MINPP1: variants seen among roughly 807,000 people sequenced by gnomAD.
MINPP1 encodes multiple inositol-polyphosphate phosphatase 1.
In MINPP1, 28 loss-of-function variants were observed where a neutral mutation model predicts 46.1. The observed-to-expected ratio is 0.61, with a 90% confidence interval of 0.45 to 0.83. The LOEUF (loss-of-function observed/expected upper bound fraction) is 0.83, where lower values mean the gene tolerates loss of function less well. MINPP1 is among the 40% of genes least tolerant of loss of function. The pLI, the probability that MINPP1 is intolerant of heterozygous loss-of-function variation, is 0.00. For synonymous variants in MINPP1, 268 were observed against 249.1 expected, an observed-to-expected ratio of 1.08 and a Z score of -0.72; for missense variants, 603 against 610.0, an observed-to-expected ratio of 0.99 and a Z score of 0.12.
rs1226244468 is a variant in MINPP1 at position 87,553,188 on chromosome 10, T to C, written c.*710T>C. The stretch of plus-strand genomic sequence containing the variant: ...TTTGGACAATTAGCAACAAGTCAGA[T>C]AGTTAGAATCGAAGTTTTTCAAATC... On this transcript the variant is annotated 3_prime_UTR_variant, in exon 5 of 5. Transcript: ENST00000371996. The C allele has an allele frequency of 6.6e-6, 1 of 152,164 alleles. No individual in the cohort carries two copies. Among genetic ancestry groups the C allele is most frequent in the Non-Finnish European group, 1.5e-5 (1 of 68,016 alleles). The allele number at this position is 152,164 out of a possible 1,614,324, so 9.4% of individuals were successfully genotyped here. A position where few individuals can be genotyped will look rare whatever the true frequency, so the allele number is the denominator to read the frequency against.
chr10:87,536,895 T>C (rs1279010381), intron 4 of MINPP1, among the ~76,000 whole-genome samples: 1 of 152,210 alleles, frequency 6.6e-6, no homozygotes, highest in Non-Finnish European at 1.5e-5. Context: ...CTTGGGAACC[T>C]ACCTAATTAG....
intron 2 of MINPP1, chr10:87,509,657 T>C (rs946056287): frequency 7.7e-6 from 2 of 260,432 alleles, no homozygotes; most frequent in Non-Finnish European, 1.6e-5. Flanking sequence ...TTGTCATGAA[T>C]TGAGCATTTA....
At chr10:87,521,513 A>G (rs1350666800) in intron 4 of MINPP1, among the ~76,000 whole-genome samples, 5 of 152,102 alleles carry the variant, frequency 3.3e-5, no homozygotes, top group Admixed American at 6.5e-5. Flanking sequence ...AACAGTTTAT[A>G]TTATGAATGT....
intron 4 of MINPP1, among the ~76,000 whole-genome samples, chr10:87,551,071 C>A (rs1290583049): frequency 6.6e-6 from 1 of 152,040 alleles, no homozygotes; most frequent in Non-Finnish European, 1.5e-5. Flanking sequence ...CTGATAATAT[C>A]TAGTGCTTGA....
chr10:87,514,989 TA>T (rs1245947154), intron 3 of MINPP1, among the ~76,000 whole-genome samples: 3 of 151,982 alleles, frequency 2.0e-5, no homozygotes, highest in Admixed American at 2.0e-4. Context: ...GTGCTGGTAT[TA>T]CAGGCATCAG....
intron 3 of MINPP1, among the ~76,000 whole-genome samples, chr10:87,519,877 G>A (rs1851474007): frequency 6.6e-6 from 1 of 152,134 alleles, no homozygotes; most frequent in African/African-American, 2.4e-5. Flanking sequence ...TTCTACATGA[G>A]CAAATGATCA....
intron 4 of MINPP1, among the ~76,000 whole-genome samples, chr10:87,540,492 CTG>C (rs1851799317): frequency 1.3e-5 from 1 of 77,302 alleles, no homozygotes. Flanking sequence ...GTCTCTCTCT[CTG>C]TCACACACAC....
rs1335570058 is a variant in MINPP1 at position 87,505,577 on chromosome 10, C to T, written c.637+25C>T. On this transcript the variant is annotated intron_variant, in intron 1 of 4. Transcript: ENST00000371996. The surrounding 1 kb of genome is among the most constrained non-coding windows in gnomAD (Gnocchi z 4.4). ...GGTGACCCCCCGGGCGGCCCGTGTG[C>T]TGTCCCGGTCCTCCCACCCGCCCTG... is the stretch of plus-strand genomic sequence containing the variant. 5 of 1,584,618 alleles carry T rather than the reference C, an allele frequency of 3.2e-6. No individual in the cohort carries two copies. Among genetic ancestry groups the T allele is most frequent in the Non-Finnish European group, 4.3e-6 (5 of 1,172,436 alleles).
intron 3 of MINPP1, among the ~76,000 whole-genome samples, chr10:87,517,569 T>C (rs937496906): frequency 3.9e-5 from 6 of 152,234 alleles, no homozygotes; most frequent in African/African-American, 1.4e-4. Context: ...AGGTTGCATA[T>C]AGCTACAATT....
chr10:87,552,634 C>T lies in MINPP1; in HGVS notation c.*156C>T, dbSNP rs1342102034. The T allele has an allele frequency of 3.2e-5, 24 of 740,498 alleles. No individual in the cohort carries two copies. The East Asian group carries it at 5.1e-4, about 16-fold the overall frequency. The allele number at this position is 740,498 out of a possible 1,614,324, so 45.9% of individuals were successfully genotyped here. ...CATTGGGTTTCTCTCTGGGTTTGGACATGAAATGTAAGAAAAGATTTTTCA... is the reference window on the plus strand; with the variant it reads ...CATTGGGTTTCTCTCTGGGTTTGGATATGAAATGTAAGAAAAGATTTTTCA... On this transcript the variant is annotated 3_prime_UTR_variant, in exon 5 of 5. Coordinates refer to ENST00000371996, the MANE Select transcript of MINPP1 (RefSeq NM_004897.5).
intron 4 of MINPP1, among the ~76,000 whole-genome samples, chr10:87,532,027 G>A (rs1332731675): frequency 1.3e-5 from 2 of 152,112 alleles, no homozygotes; most frequent in Non-Finnish European, 1.5e-5. Flanking sequence ...CATGGTATTG[G>A]TATTATATGT....
chr10:87,542,810 T>C (rs769958850), intron 4 of MINPP1, among the ~76,000 whole-genome samples: 9 of 152,148 alleles, frequency 5.9e-5, no homozygotes, highest in Admixed American at 3.9e-4. Context: ...CTTTATAGCA[T>C]TGCAGAAACG....
At chr10:87,540,443 C>T (rs779168617) in intron 4 of MINPP1, among the ~76,000 whole-genome samples, 1 of 151,790 alleles carries the variant, frequency 6.6e-6, no homozygotes, top group African/African-American at 2.4e-5. Context: ...TCTCTTTCTC[C>T]TCTCTGTCAG....
intron 3 of MINPP1, among the ~76,000 whole-genome samples, chr10:87,517,484 A>G (rs564382810): frequency 6.6e-6 from 1 of 152,302 alleles, no homozygotes; most frequent in South Asian, 2.1e-4. Flanking sequence ...GTCGAAAGTC[A>G]TCAGCCTGTA....
At chr10:87,536,475 C>CATAT (rs147825687) in intron 4 of MINPP1, among the ~76,000 whole-genome samples, 1 of 151,906 alleles carries the variant, frequency 6.6e-6, no homozygotes, top group African/African-American at 2.4e-5. Context: ...TCAGTTTTTA[C>CATAT]ATATATATAT....
chr10:87,538,829 G>C (rs953787260), intron 4 of MINPP1, among the ~76,000 whole-genome samples: 1 of 152,200 alleles, frequency 6.6e-6, no homozygotes, highest in Non-Finnish European at 1.5e-5. Flanking sequence ...AACATCAATT[G>C]AGTGTGAAAC....
chr10:87,527,828 G>A (rs192283265), intron 4 of MINPP1, among the ~76,000 whole-genome samples: 133 of 152,130 alleles, frequency 8.7e-4, no homozygotes, highest in Middle Eastern at 3.4e-3. Context: ...CTGTGAATCC[G>A]TCTGGTCCTG....
intron 2 of MINPP1, 145 bp downstream of exon 2, chr10:87,508,678 G>C (rs1851291429): frequency 1.3e-6 from 1 of 768,928 alleles, no homozygotes; most frequent in African/African-American, 1.8e-5. Flanking sequence ...CAAAAAAATT[G>C]TATACCTTGT....
chr10:87,551,963 A>G, intron 4 of MINPP1, 119 bp from the exon 5 acceptor site: 1 of 822,678 alleles, frequency 1.2e-6, no homozygotes, highest in South Asian at 1.9e-5. Context: ...ATAAAGATTT[A>G]AAAAAATAGA....
Sources: gnomAD v4.1 joint callset for allele counts (sites outside exome capture counted in the v4.1 genomes callset) on GRCh38, gnomAD v4.1.1 for gene constraint, Gnocchi (gnomAD v3.1) non-coding constraint, MANE v1.5 for transcripts, NCBI Gene and HGNC (gene_info 2026-07-23, HGNC 2026-07-21) for gene names.